The following NRG3 variants were observed in gnomAD, a reference collection of about 807,000 sequenced individuals.
NRG3 encodes pro-neuregulin-3, membrane-bound isoform.
Under a neutral mutation model 66.9 loss-of-function variants are expected in NRG3, and 31 were observed. The observed-to-expected ratio is 0.46, with a 90% CI of 0.35 to 0.63. The LOEUF is 0.63. Among genes scored for constraint, NRG3 ranks in the 20% least tolerant of loss-of-function variants. The pLI, the probability that NRG3 is intolerant of heterozygous loss-of-function variation, is 0.00. For missense variants in NRG3, 910 were observed against 878.9 expected, an observed-to-expected ratio of 1.04 and a Z score of -0.45; for synonymous variants, 393 against 359.4, an observed-to-expected ratio of 1.09 and a Z score of -1.06.
At chr10:82,696,485 ATGG>A (rs2055391890) in intron 2 of NRG3, among the ~76,000 whole-genome samples, 1 of 152,082 alleles carries the variant, frequency 6.6e-6, no homozygotes. Context: ...ACAGGGAAAG[ATGG>A]TTAAGGGAAA....
chr10:82,663,260 T>A (rs970194527), intron 2 of NRG3, among the ~76,000 whole-genome samples: 1 of 151,850 alleles, frequency 6.6e-6, no homozygotes, highest in African/African-American at 2.4e-5. Context: ...ACCACAGGAG[T>A]CACAGCTTGA....
In NRG3 at chr10:82,474,892, T is replaced by C. The variant is rs867562235; in HGVS notation, c.953+116024T>C. 3.3e-5 allele frequency among the ~76,000 whole-genome samples: 5 copies of C among 152,038 alleles called. No homozygotes were observed. In the South Asian group the frequency reaches 1.0e-3, roughly 32 times the overall value. ...AAAGCAGCAAGAGAAAAGCCAGGTA[T>C]GATAATTCCTTCTAAGATTATCAGC... On this transcript the variant is annotated intron_variant, in intron 2 of 8. Transcript: ENST00000372141.
intron 1 of NRG3, among the ~76,000 whole-genome samples, chr10:82,138,986 C>T (rs1285042208): frequency 6.6e-6 from 1 of 152,148 alleles, no homozygotes; most frequent in Non-Finnish European, 1.5e-5. Context: ...TGGCAACACC[C>T]TCAAAGACAT....
chr10:82,556,906 C>G (rs2044687957), intron 2 of NRG3, among the ~76,000 whole-genome samples: 1 of 152,118 alleles, frequency 6.6e-6, no homozygotes, highest in Non-Finnish European at 1.5e-5. Context: ...GGTTTCTGTT[C>G]CTGCATTAGT....
chr10:81,973,433 A>G (rs951233119), intron 1 of NRG3, among the ~76,000 whole-genome samples: 1 of 152,152 alleles, frequency 6.6e-6, no homozygotes, highest in African/African-American at 2.4e-5. Context: ...CAGTAATGGG[A>G]TTGTTGGGTC....
intron 2 of NRG3, among the ~76,000 whole-genome samples, chr10:82,680,664 C>T (rs192370334): frequency 2.1e-4 from 32 of 152,206 alleles, no homozygotes; most frequent in African/African-American, 7.2e-4. Flanking sequence ...TGCTATGAGC[C>T]GACAGGGTTG....
intron 2 of NRG3, among the ~76,000 whole-genome samples, chr10:82,408,896 A>G (rs535927667): frequency 1.3e-5 from 2 of 152,090 alleles, no homozygotes; most frequent in Non-Finnish European, 2.9e-5. Flanking sequence ...CTAATTCTAT[A>G]AACATGATGA....
chr10:82,774,659 C>T (rs2059829686), intron 3 of NRG3, among the ~76,000 whole-genome samples: 1 of 151,624 alleles, frequency 6.6e-6, no homozygotes. Context: ...TGAGTCTTCA[C>T]TCTTTTTTTC....
intron 1 of NRG3, among the ~76,000 whole-genome samples, chr10:82,021,696 T>C (rs528062626): frequency 7.5e-4 from 114 of 152,178 alleles, no homozygotes; most frequent in African/African-American, 2.6e-3. Flanking sequence ...TAATTTGTTA[T>C]TGAATTGAAG....
chr10:81,978,378 A>G (rs1166898844), intron 1 of NRG3, among the ~76,000 whole-genome samples: 1 of 152,196 alleles, frequency 6.6e-6, no homozygotes, highest in Non-Finnish European at 1.5e-5. Flanking sequence ...TATTGCTTTG[A>G]GAAGCACATC....
chr10:82,068,727 A>G (rs1480312678), intron 1 of NRG3, among the ~76,000 whole-genome samples: 1 of 152,206 alleles, frequency 6.6e-6, no homozygotes, highest in Admixed American at 6.5e-5. Context: ...CCAGGAATGC[A>G]GAGAGACAGT....
intron 1 of NRG3, among the ~76,000 whole-genome samples, chr10:81,984,908 GA>G (rs1190807957): frequency 6.6e-6 from 1 of 152,194 alleles, no homozygotes; most frequent in East Asian, 1.9e-4. Flanking sequence ...AAGAAACAGT[GA>G]AAAAATACAA....
At chr10:82,244,156 T>C (rs567405226) in intron 1 of NRG3, among the ~76,000 whole-genome samples, 1 of 152,306 alleles carries the variant, frequency 6.6e-6, no homozygotes, top group African/African-American at 2.4e-5. Flanking sequence ...TTTTTTCCTT[T>C]GTCCTGTAAC....
intron 3 of NRG3, among the ~76,000 whole-genome samples, chr10:82,821,432 A>G (rs1352568875): frequency 1.3e-5 from 2 of 152,036 alleles, no homozygotes; most frequent in African/African-American, 4.8e-5. Context: ...CTAAATTATG[A>G]ATCTTTGTCA....
chr10:82,880,888 A>C (rs1564597830), intron 4 of NRG3, among the ~76,000 whole-genome samples: 1 of 152,206 alleles, frequency 6.6e-6, no homozygotes, highest in Non-Finnish European at 1.5e-5. Context: ...CTGTAGGGCC[A>C]TGAGCACAGT....
At chr10:81,977,710 C>T (rs1241455471) in intron 1 of NRG3, among the ~76,000 whole-genome samples, 4 of 152,152 alleles carry the variant, frequency 2.6e-5, no homozygotes, top group African/African-American at 9.7e-5. Flanking sequence ...AAGTTCGTTT[C>T]TGGTCCACAA....
intron 2 of NRG3, among the ~76,000 whole-genome samples, chr10:82,677,053 TCTC>T: frequency 6.6e-6 from 1 of 150,700 alleles, no homozygotes; most frequent in African/African-American, 2.5e-5. Context: ...TTTCTCTCTC[TCTC>T]TCTCTCTTTT....
At chr10:82,196,654 ATACT>A (rs1301829996) in intron 1 of NRG3, among the ~76,000 whole-genome samples, 11 of 152,344 alleles carry the variant, frequency 7.2e-5, no homozygotes, top group Admixed American at 3.9e-4. Context: ...ATATGTCACC[ATACT>A]TACTTCTCAT....
rs566652223 is a variant in NRG3, at chr10:82,226,164, T to C, written c.824-132575T>C. 3.9e-5 allele frequency among the ~76,000 whole-genome samples: 6 copies of C among 152,280 alleles called. No homozygotes were observed. The East Asian group carries it at 1.2e-3, about 29-fold the overall frequency. On this transcript the variant is annotated intron_variant, in intron 1 of 8. Transcript: ENST00000372141. Reference sequence around the variant, plus strand: ...AATAAACACACTTCAGCATCCAGTTTTCCCTAAAGGAGAAGCAATTACTCC... The same window carrying C: ...AATAAACACACTTCAGCATCCAGTTCTCCCTAAAGGAGAAGCAATTACTCC...
Sources: allele counts gnomAD v4.1 joint callset (sites outside exome capture counted in the v4.1 genomes callset), GRCh38; gene constraint gnomAD v4.1.1; transcripts MANE v1.5; gene names NCBI Gene and HGNC (gene_info 2026-07-23, HGNC 2026-07-21).